Variants in LPA observed in about 807,000 individuals in gnomAD.
LPA encodes lipoprotein(a).
Under a neutral mutation model 197.9 loss-of-function variants are expected in LPA, and 199 were observed. The ratio of observed to expected loss-of-function variants is 1.01; its 90% CI spans 0.90 to 1.13. The LOEUF (loss-of-function observed/expected upper bound fraction) is 1.13. Ranked by LOEUF, LPA falls within the 50% of genes most tolerant of loss-of-function variation. The pLI, the probability that LPA is intolerant of heterozygous loss-of-function variation, is 0.00. For synonymous variants in LPA, 715 were observed against 639.5 expected, an observed-to-expected ratio of 1.12 and a Z score of -1.78; for missense variants, 1,853 against 1,785.8, an observed-to-expected ratio of 1.04 and a Z score of -0.68.
chr6:160,591,482 C>T lies in LPA; in HGVS notation c.3630-381G>A, dbSNP rs191782256. On this transcript the variant is annotated intron_variant, in intron 22 of 38. Coordinates refer to ENST00000316300, the MANE Select transcript of LPA (RefSeq NM_005577.4). ...CACGTACAAATGTTTCTCTGTCTGG[C>T]TATCTGTATGTCTTTCTATAGGAGT... Among the ~76,000 whole-genome samples, 374 of 152,322 alleles carry T rather than the reference C, an allele frequency of 2.5e-3. 1 individual carries two copies. The highest frequency in any genetic ancestry group is 0.011 in the Admixed American group (171 of 15,298).
intron 30 of LPA, among the ~76,000 whole-genome samples, chr6:160,555,294 AGTGTGTGTGT>A (rs10552460): frequency 7.5e-6 from 1 of 133,872 alleles, no homozygotes; most frequent in African/African-American, 2.8e-5. Flanking sequence ...ATTATATGTT[AGTGTGTGTGT>A]GTGTGTGTGT....
At chr6:160,602,041 C>A (rs1317365469) in intron 18 of LPA, among the ~76,000 whole-genome samples, 2 of 152,152 alleles carry the variant, frequency 1.3e-5, no homozygotes, top group African/African-American at 2.4e-5. Flanking sequence ...AGAATCCTCC[C>A]ATTCGTGACC....
At chr6:160,561,858 A>T (rs1280991439) in intron 28 of LPA, among the ~76,000 whole-genome samples, 1 of 151,964 alleles carries the variant, frequency 6.6e-6, no homozygotes, top group Non-Finnish European at 1.5e-5. Context: ...TTCACTCAGG[A>T]TTTGGCTCTG....
At chr6:160,539,122 A>G (rs893667983) in intron 36 of LPA, among the ~76,000 whole-genome samples, 9 of 152,098 alleles carry the variant, frequency 5.9e-5, no homozygotes, top group African/African-American at 1.9e-4. Context: ...GGCCCAGGAG[A>G]GCAGCTCAGG....
At chr6:160,605,481 C>A (rs1030176177) in intron 17 of LPA, among the ~76,000 whole-genome samples, 2 of 152,084 alleles carry the variant, frequency 1.3e-5, no homozygotes, top group Non-Finnish European at 2.9e-5. Flanking sequence ...AAAAAAAGGA[C>A]AAATGAGAGG....
intron 1 of LPA, among the ~76,000 whole-genome samples, chr6:160,659,857 T>C (rs1428875673): frequency 6.6e-6 from 1 of 152,188 alleles, no homozygotes; most frequent in South Asian, 2.1e-4. Context: ...CGCTCCCTCC[T>C]GAGCCCATAC....
At chr6:160,544,306 A>C (rs1041623273) in intron 33 of LPA, among the ~76,000 whole-genome samples, 1 of 152,250 alleles carries the variant, frequency 6.6e-6, no homozygotes, top group South Asian at 2.1e-4. Flanking sequence ...CCATCAAGAG[A>C]CTTTGAGGTA....
intron 16 of LPA, among the ~76,000 whole-genome samples, chr6:160,608,313 C>T (rs1233322132): frequency 6.6e-6 from 1 of 152,112 alleles, no homozygotes; most frequent in Non-Finnish European, 1.5e-5. Flanking sequence ...GCACAACATA[C>T]ATTTATGCAG....
intron 28 of LPA, among the ~76,000 whole-genome samples, chr6:160,572,924 T>C (rs1489654690): frequency 6.6e-6 from 1 of 152,196 alleles, no homozygotes; most frequent in African/African-American, 2.4e-5. Flanking sequence ...AGGTGTTCTT[T>C]GTGCTGCTTG....
rs368055213 is a variant in LPA at position 160,599,589 on chromosome 6, G to T, written c.3198C>A (p.Tyr1066Ter). ...YHYGQSYRGTYSTTVTGRTCQ... is the reference protein window; with the variant it reads ...YHYGQSYRGT The stretch of plus-strand genomic sequence containing the variant: ...AAGTTCTTCCTGTGACAGTGGTGGA[G>T]TATGTGCCTCGGTAACTCTGTCCAT... The change falls in exon 20 of 39, where the codon TAC becomes TAA. Residue 1066 changes from tyrosine (Y) to a stop codon, truncating the protein, a stop_gained. Coordinates refer to ENST00000316300, the MANE Select transcript of LPA (RefSeq NM_005577.4). LOFTEE classifies it high-confidence loss of function. The T allele has an allele frequency of 2.5e-6, 4 of 1,614,120 alleles. No homozygotes were observed. The East Asian group carries it at 6.7e-5, about 27-fold the overall frequency.
chr6:160,587,169 T>C (rs1236537331), intron 24 of LPA, among the ~76,000 whole-genome samples: 1 of 152,220 alleles, frequency 6.6e-6, no homozygotes, highest in Non-Finnish European at 1.5e-5. Context: ...ACCTGGAGGA[T>C]GCTATAGCAA....
rs1201281451 is a variant in LPA, at chr6:160,537,914, G to A, written c.5783C>T (p.Pro1928Leu). The change falls in exon 37 of 39, where the codon CCA (proline) becomes CTA (leucine). Residue 1928 changes from proline to leucine, a missense_variant. This residue lies in a region of LPA where 1,737 missense variants were observed against 1,504.4 expected (regional missense o/e 1.15). Coordinates refer to ENST00000316300, the MANE Select transcript of LPA (RefSeq NM_005577.4). ...AGTCCTGGCGGTGACCATGTAGTCT[G>A]GGGATGGCAGACAAGCTGGCATTAC... ...DKVMPACLPS[P>L]DYMVTARTEC... 2.5e-6 allele frequency: 4 copies of A among 1,614,240 alleles called. No homozygotes were observed. Among genetic ancestry groups the A allele is most frequent in the Non-Finnish European group, 3.4e-6 (4 of 1,180,044 alleles).
intron 18 of LPA, among the ~76,000 whole-genome samples, chr6:160,603,076 T>G (rs985010012): frequency 6.6e-6 from 1 of 151,822 alleles, no homozygotes; most frequent in Non-Finnish European, 1.5e-5. Context: ...TCTTCTTATT[T>G]GAAAAGTTTT....
chr6:160,593,076 T>C (rs1345113601), intron 22 of LPA, among the ~76,000 whole-genome samples: 1 of 152,160 alleles, frequency 6.6e-6, no homozygotes, highest in Non-Finnish European at 1.5e-5. Flanking sequence ...GCTCCTTTCC[T>C]CCACAAATCC....
intron 16 of LPA, among the ~76,000 whole-genome samples, chr6:160,607,118 C>A (rs1000134207): frequency 2.6e-5 from 4 of 152,002 alleles, no homozygotes; most frequent in Non-Finnish European, 5.9e-5. Flanking sequence ...ACAGGTAGTT[C>A]TTCAGAAAAA....
rs41269894 is a variant in LPA at position 160,606,446 on chromosome 6, A to G, written c.2785+31T>C. 1,290 of 1,611,482 alleles carry G rather than the reference A, an allele frequency of 8.0e-4. 8 individuals carry two copies. The African/African-American group carries it at 0.013, about 17-fold the overall frequency. On this transcript the variant is annotated intron_variant, in intron 17 of 38. Transcript: ENST00000316300. ...CATGGCTTTTCATCCCAGCATCGAA[A>G]CGTGTAGGTTTCTGGCCACAGGCTC...
At chr6:160,607,252 T>C (rs756919938) in intron 16 of LPA, among the ~76,000 whole-genome samples, 6 of 152,088 alleles carry the variant, frequency 3.9e-5, no homozygotes, top group Non-Finnish European at 7.4e-5. Context: ...CTTTCTGTCA[T>C]TCCCATATCA....
chr6:160,658,640 AT>A (rs1017262042), intron 1 of LPA, among the ~76,000 whole-genome samples: 2 of 152,172 alleles, frequency 1.3e-5, no homozygotes, highest in African/African-American at 4.8e-5. Flanking sequence ...TGTCAAATGC[AT>A]TTATTTTGCA....
chr6:160,574,201 C>A (rs1381917869), intron 28 of LPA, among the ~76,000 whole-genome samples: 1 of 152,068 alleles, frequency 6.6e-6, no homozygotes, highest in Non-Finnish European at 1.5e-5. Flanking sequence ...TCACAGGCCT[C>A]ACCCAGCACC....
Sources: gnomAD v4.1 joint callset for allele counts (sites outside exome capture counted in the v4.1 genomes callset) on GRCh38, gnomAD v4.1.1 for gene constraint, gnomAD v4.1.1 regional missense constraint, MANE v1.5 for transcripts, NCBI Gene and HGNC (gene_info 2026-07-23, HGNC 2026-07-21) for gene names.